The following POFUT3 variants were observed in gnomAD, a reference collection of about 807,000 sequenced individuals.
The protein encoded by POFUT3 is protein O-fucosyltransferase 3, also known as GDP-fucose protein O-fucosyltransferase 3.
At chr8:33,310,597 A>G in the POFUT3 span, among the ~76,000 whole-genome samples, 2 of 151,620 alleles carry the variant, frequency 1.3e-5, no homozygotes, top group African/African-American at 2.4e-5. Flanking sequence ...AGGCTGAGGC[A>G]GGAGGATCCC....
the POFUT3 span, among the ~76,000 whole-genome samples, chr8:33,405,715 C>T: frequency 6.6e-6 from 1 of 152,162 alleles, no homozygotes; most frequent in Admixed American, 6.5e-5. Flanking sequence ...CAGATTCATT[C>T]TAACTCAGAG....
the POFUT3 span, among the ~76,000 whole-genome samples, chr8:33,381,351 C>T: frequency 2.0e-5 from 3 of 152,088 alleles, no homozygotes; most frequent in East Asian, 1.9e-4. Context: ...CATTTTTATA[C>T]TTTATCATTC....
At chr8:33,349,250 G>A in the POFUT3 span, among the ~76,000 whole-genome samples, 2 of 152,276 alleles carry the variant, frequency 1.3e-5, no homozygotes, top group Admixed American at 6.5e-5. Flanking sequence ...AGCCATGCAA[G>A]CTCCTCTTCT....
chr8:33,433,611 C>A, the POFUT3 span, among the ~76,000 whole-genome samples: 28 of 140,564 alleles, frequency 2.0e-4, no homozygotes, highest in Admixed American at 2.1e-4. Flanking sequence ...GACTTCGTCT[C>A]AAAAAAAAAA....
At chr8:33,376,962 C>T in the POFUT3 span, among the ~76,000 whole-genome samples, 1 of 152,168 alleles carries the variant, frequency 6.6e-6, no homozygotes, top group Admixed American at 6.5e-5. Context: ...AAAGGCCGGG[C>T]ACATTGGCTC....
the POFUT3 span, among the ~76,000 whole-genome samples, chr8:33,321,426 C>T: frequency 3.9e-5 from 6 of 152,062 alleles, no homozygotes; most frequent in African/African-American, 1.4e-4. Flanking sequence ...ACTTTCTCTC[C>T]TTCCTTCCCC....
the POFUT3 span, among the ~76,000 whole-genome samples, chr8:33,407,783 A>G: frequency 5.3e-5 from 8 of 152,162 alleles, no homozygotes; most frequent in South Asian, 1.0e-3. Flanking sequence ...CAGGCAGATC[A>G]CCTGAGGTCA....
the POFUT3 span, among the ~76,000 whole-genome samples, chr8:33,347,437 T>A: frequency 5.3e-5 from 8 of 152,248 alleles, no homozygotes; most frequent in Non-Finnish European, 1.5e-5. Context: ...CAAAACACGA[T>A]GCATTGAATT....
the POFUT3 span, among the ~76,000 whole-genome samples, chr8:33,390,052 G>A: frequency 6.6e-6 from 1 of 152,140 alleles, no homozygotes; most frequent in Admixed American, 6.6e-5. Flanking sequence ...AAAATTAGCT[G>A]GGCATGGTGG....
At chr8:33,340,203 T>TA in the POFUT3 span, among the ~76,000 whole-genome samples, 138 of 151,796 alleles carry the variant, frequency 9.1e-4, 1 homozygote, top group Middle Eastern at 0.01. Flanking sequence ...TGTAATATCT[T>TA]AAAAAAAACA....
the POFUT3 span, among the ~76,000 whole-genome samples, chr8:33,345,758 G>T: frequency 6.6e-6 from 1 of 151,906 alleles, no homozygotes; most frequent in African/African-American, 2.4e-5. Context: ...CATGATGGCA[G>T]GAGGAACAAT....
At chr8:33,430,485 T>C in the POFUT3 span, among the ~76,000 whole-genome samples, 2 of 152,046 alleles carry the variant, frequency 1.3e-5, no homozygotes. Context: ...TTAGTCACCT[T>C]GAGAAAAAAG....
the POFUT3 span, among the ~76,000 whole-genome samples, chr8:33,311,611 T>A: frequency 6.6e-6 from 1 of 152,156 alleles, no homozygotes; most frequent in Non-Finnish European, 1.5e-5. Flanking sequence ...TAATGTCGGT[T>A]TTACTTCCCC....
chr8:33,391,420 A>T, the POFUT3 span, among the ~76,000 whole-genome samples: 1 of 152,212 alleles, frequency 6.6e-6, no homozygotes, highest in African/African-American at 2.4e-5. Context: ...GCTATATTTG[A>T]CCTTAGGCTT....
chr8:33,442,337 G>A, the POFUT3 span, among the ~76,000 whole-genome samples: 3 of 150,718 alleles, frequency 2.0e-5, no homozygotes, highest in Non-Finnish European at 4.4e-5. Flanking sequence ...GCCCAGGCTG[G>A]AGTGCAGTGG....
At chr8:33,357,555 CAT>C in the POFUT3 span, among the ~76,000 whole-genome samples, 1 of 150,052 alleles carries the variant, frequency 6.7e-6, no homozygotes, top group East Asian at 2.0e-4. Flanking sequence ...TATATATATA[CAT>C]ATATATGTGT....
the POFUT3 span, among the ~76,000 whole-genome samples, chr8:33,419,534 G>A: frequency 5.9e-5 from 9 of 152,300 alleles, no homozygotes; most frequent in Non-Finnish European, 1.2e-4. Flanking sequence ...TGGCTCACCC[G>A]CCACTCGCCT....
At chr8:33,379,705 A>G in the POFUT3 span, among the ~76,000 whole-genome samples, 6 of 151,008 alleles carry the variant, frequency 4.0e-5, no homozygotes, top group African/African-American at 1.5e-4. Flanking sequence ...GTGTGGTGGC[A>G]TGAACCTGTA....
At chr8:33,427,847 C>T in the POFUT3 span, among the ~76,000 whole-genome samples, 1 of 152,158 alleles carries the variant, frequency 6.6e-6, no homozygotes, top group Admixed American at 6.5e-5. Flanking sequence ...CTGACCTCAG[C>T]CTGGCGCGGT....
Sources: gnomAD v4.1 joint callset for allele counts (sites outside exome capture counted in the v4.1 genomes callset) on GRCh38, gnomAD v4.1.1 for gene constraint, MANE v1.5 for transcripts, NCBI Gene and HGNC (gene_info 2026-07-23, HGNC 2026-07-21) for gene names.